Variants in SEZ6 observed in about 807,000 individuals in gnomAD.
The protein encoded by SEZ6 is seizure related 6 homolog, also known as seizure protein 6 homolog.
SEZ6 carries 53 observed loss-of-function variants against 101.0 expected under a neutral mutation model. That is an observed-to-expected ratio of 0.52 (90% CI 0.42 to 0.66). The LOEUF (loss-of-function observed/expected upper bound fraction) is 0.66. Ranked by LOEUF, SEZ6 falls within the 30% of genes least tolerant of loss-of-function variation. SEZ6 has a pLI of 0.00. For synonymous variants in SEZ6, 488 were observed against 512.2 expected (o/e 0.95, Z 0.64); for missense variants, 1,102 against 1,289.4 (o/e 0.85, Z 2.23).
chr17:28,979,880 CGTGTGTGTGTGTGTGTGTGTGTGTGT>C, intron 2 of SEZ6, 67 bp from the exon 3 acceptor site: 1 of 856,692 alleles, frequency 1.2e-6, no homozygotes, highest in Non-Finnish European at 1.7e-6. Flanking sequence ...AAGGCTGAAC[CGTGTGTGTGTGTGTGTGTGTGTGTGT>C]GTGTGTGTGT....
intron 1 of SEZ6, among the ~76,000 whole-genome samples, chr17:28,984,642 G>T (rs1232778376): frequency 6.6e-6 from 1 of 152,224 alleles, no homozygotes; most frequent in Non-Finnish European, 1.5e-5. Context: ...CGAGCAAGTT[G>T]ATTCCAAAAT....
chr17:28,992,081 G>A (rs1051538689), intron 1 of SEZ6, among the ~76,000 whole-genome samples: 4 of 152,214 alleles, frequency 2.6e-5, no homozygotes, highest in Admixed American at 6.5e-5. Flanking sequence ...GCCTGGCCTC[G>A]GGCACAGGAG....
chr17:28,967,010 C>T (rs2041081083), intron 4 of SEZ6, among the ~76,000 whole-genome samples: 1 of 152,174 alleles, frequency 6.6e-6, no homozygotes, highest in African/African-American at 2.4e-5. Context: ...GGCTTCTTCC[C>T]TACGTGCTGT....
chr17:28,956,479 G>A lies in SEZ6; in HGVS notation c.2732-12C>T, dbSNP rs2040880797. 6.5e-7 allele frequency: 1 copy of A among 1,549,234 alleles called. No homozygotes were observed. On this transcript the variant is annotated splice_polypyrimidine_tract_variant and intron_variant, in intron 14 of 16. Transcript: ENST00000317338. ...AGGTGCCTTGGCAACTGAAGACACA[G>A]AGGGTGTGACTGGAGCAGAGGTCTC...
intron 5 of SEZ6, among the ~76,000 whole-genome samples, chr17:28,963,439 C>A (rs758383187): frequency 2.0e-5 from 3 of 152,218 alleles, no homozygotes; most frequent in Non-Finnish European, 2.9e-5. Context: ...TGCCCTGACA[C>A]TCAAGGCCCT....
intron 1 of SEZ6, among the ~76,000 whole-genome samples, chr17:28,992,879 C>T (rs74711616): frequency 6.6e-6 from 1 of 152,094 alleles, no homozygotes. Flanking sequence ...AATGAGGCCT[C>T]TGCTCCTGCG....
chr17:28,987,678 T>C (rs1469664089), intron 1 of SEZ6, among the ~76,000 whole-genome samples: 2 of 152,160 alleles, frequency 1.3e-5, no homozygotes, highest in Non-Finnish European at 2.9e-5. Flanking sequence ...AAACTGGGGC[T>C]GGTAAGAGCT....
Position 29,005,941 on chromosome 17 carries a change from C to CG in SEZ6, c.-73dup. 7.9e-7 allele frequency: 1 copy of CG among 1,270,920 alleles called. No individual in the cohort carries two copies. The highest frequency in any genetic ancestry group is 1.0e-6 in the Non-Finnish European group (1 of 985,748). 78.7% of individuals were successfully genotyped at this position (1,270,920 alleles called of 1,614,324 possible). ...CGGGGGGCTTGGTGGGGCTTGGGCG[C>CG]GGGGGCAGAGCCGGGTCCGGCCGGG... On this transcript the variant is annotated 5_prime_UTR_variant, in exon 1 of 17. Transcript: ENST00000317338. The surrounding 1 kb of genome is among the most constrained non-coding windows in gnomAD (Gnocchi z 4.8).
Position 28,960,295 on chromosome 17 carries a change from C to G in SEZ6, c.1576+210G>C, listed in dbSNP as rs568697309. The G allele has an allele frequency of 4.9e-4, 327 of 673,030 alleles. 3 individuals carry two copies. In the African/African-American group the frequency reaches 5.1e-3, roughly 11 times the overall value. 41.7% of individuals were successfully genotyped at this position (673,030 alleles called of 1,614,324 possible). On this transcript the variant is annotated intron_variant, in intron 7 of 16. Coordinates refer to ENST00000317338, the MANE Select transcript of SEZ6 (RefSeq NM_178860.5). Reference sequence around the variant, plus strand: ...TTCCCTTGGACCATAGGGCCTGGGTCCAGGCAGAGGTTTCCTGCAAAGCTG... The same window carrying G: ...TTCCCTTGGACCATAGGGCCTGGGTGCAGGCAGAGGTTTCCTGCAAAGCTG...
chr17:28,983,698 T>G (rs1598202540), intron 1 of SEZ6, among the ~76,000 whole-genome samples: 1 of 152,110 alleles, frequency 6.6e-6, no homozygotes, highest in East Asian at 1.9e-4. Flanking sequence ...TTGCCAGCTC[T>G]GAGAAGCCTG....
chr17:28,999,957 C>T (rs983599414), intron 1 of SEZ6, among the ~76,000 whole-genome samples: 1 of 152,204 alleles, frequency 6.6e-6, no homozygotes, highest in Non-Finnish European at 1.5e-5. Context: ...AAGCACCTAT[C>T]ATCACCAGAA....
chr17:28,984,822 G>A (rs2041355452), intron 1 of SEZ6, among the ~76,000 whole-genome samples: 1 of 152,178 alleles, frequency 6.6e-6, no homozygotes, highest in Admixed American at 6.5e-5. Flanking sequence ...TGTGGCCAGT[G>A]GATAGGGGCT....
At position 28,957,333 on chromosome 17, in the gene SEZ6, T is replaced by C. The variant is rs1180324012; in HGVS notation, c.2494+15A>G. On this transcript the variant is annotated intron_variant, in intron 12 of 16. Coordinates refer to ENST00000317338, the MANE Select transcript of SEZ6 (RefSeq NM_178860.5). ...TCCAGCTAGAGGTTTTCCCTCCTAC[T>C]CAATTGACACTTACGGAGACATTTA... 11 of 1,611,034 alleles carry C rather than the reference T, an allele frequency of 6.8e-6. No individual in the cohort carries two copies. Among genetic ancestry groups the C allele is most frequent in the Non-Finnish European group, 9.3e-6 (11 of 1,177,458 alleles).
intron 1 of SEZ6, among the ~76,000 whole-genome samples, chr17:28,997,201 G>T (rs2041554661): frequency 6.6e-6 from 1 of 152,110 alleles, no homozygotes; most frequent in Admixed American, 6.5e-5. Flanking sequence ...AGAAGTAAAT[G>T]CATGGATGAC....
At chr17:28,970,052 T>C in intron 3 of SEZ6, 100 bp from the exon 4 acceptor site, 1 of 1,094,632 alleles carries the variant, frequency 9.1e-7, no homozygotes, top group East Asian at 3.0e-5. Flanking sequence ...GGCAGATCAA[T>C]CCTCAATGCT....
At position 28,958,077 on chromosome 17, in the gene SEZ6, C is replaced by T. The variant is rs751898922; in HGVS notation, c.2172G>A (p.Ser724=). 32 of 1,611,422 alleles carry T rather than the reference C, an allele frequency of 2.0e-5. No homozygotes were observed. The highest frequency in any genetic ancestry group is 4.0e-5 in the African/African-American group (3 of 74,878). Residue 724 remains serine (S), a synonymous_variant, in exon 11 of 17, where the codon TCG becomes TCA. Transcript: ENST00000317338. ...CGGTGCCGTGCACTAGCTCAGGCTG[C>T]GATGGGCTCTTCCAGCCATTGGGGA... The part of the protein sequence containing the change: ...PEIPNGWKSP[S]QPELVHGTVV...
At chr17:28,961,566 C>T (rs1014374952) in intron 5 of SEZ6, among the ~76,000 whole-genome samples, 8 of 152,184 alleles carry the variant, frequency 5.3e-5, no homozygotes, top group African/African-American at 1.7e-4. Context: ...ATGTGCATGC[C>T]ATCCGCCCCG....
chr17:28,970,041 G>T (rs1390732235), intron 3 of SEZ6, 89 bp from the exon 4 acceptor site: 7 of 1,247,416 alleles, frequency 5.6e-6, no homozygotes, highest in African/African-American at 1.6e-5. Flanking sequence ...TGCAGGCCCC[G>T]GGCAGATCAA....
chr17:28,980,355 C>T (rs1252690453), intron 2 of SEZ6, among the ~76,000 whole-genome samples: 1 of 151,074 alleles, frequency 6.6e-6, no homozygotes, highest in Non-Finnish European at 1.5e-5. Context: ...TACAGGTGTA[C>T]ACCACCATGC....
Sources: allele counts gnomAD v4.1 joint callset (sites outside exome capture counted in the v4.1 genomes callset), GRCh38; gene constraint gnomAD v4.1.1; non-coding constraint Gnocchi (gnomAD v3.1); transcripts MANE v1.5; gene names NCBI Gene and HGNC (gene_info 2026-07-23, HGNC 2026-07-21).